Variants in EBF1 observed in about 807,000 individuals in gnomAD.
EBF1 encodes the protein EBF transcription factor 1, also known as transcription factor COE1.
A neutral mutation model predicts 68.4 loss-of-function variants in EBF1; 10 were observed. The observed-to-expected ratio is 0.15, with a 90% CI of 0.09 to 0.25. EBF1 has a LOEUF of 0.25. EBF1 is among the 10% of genes least tolerant of loss of function. The probability of loss-of-function intolerance (pLI) is 1.00; values close to 1 mark genes in which losing one functional copy is unlikely to be tolerated. For synonymous variants in EBF1, 298 were observed against 299.8 expected (o/e 0.99, Z 0.06); for missense variants, 509 against 794.4 (o/e 0.64, Z 4.32).
intron 10 of EBF1, among the ~76,000 whole-genome samples, chr5:158,732,772 T>A (rs1406033743): frequency 1.3e-5 from 2 of 152,078 alleles, no homozygotes; most frequent in African/African-American, 4.8e-5. Flanking sequence ...ATTAGAAAGA[T>A]TTTTTTCCCC....
At chr5:158,725,399 G>A (rs2127530068) in intron 11 of EBF1, among the ~76,000 whole-genome samples, 1 of 152,246 alleles carries the variant, frequency 6.6e-6, no homozygotes, top group East Asian at 1.9e-4. Context: ...CTTCTTTACT[G>A]ACACCTGCTG....
At chr5:158,860,316 C>T (rs1423938240) in intron 6 of EBF1, among the ~76,000 whole-genome samples, 1 of 152,116 alleles carries the variant, frequency 6.6e-6, no homozygotes, top group African/African-American at 2.4e-5. Context: ...CTTGCAAGAC[C>T]CTGGATTCAA....
At position 158,836,320 on chromosome 5, in the gene EBF1, A is replaced by T. The variant is rs553380176; in HGVS notation, c.636+3709T>A. ...GAGAAGATACTGGAGAGAGCCTATA[A>T]AATGGGGAAAGATCTGGACTTCAGA... is the stretch of plus-strand genomic sequence containing the variant. On this transcript the variant is annotated intron_variant, in intron 7 of 15. Coordinates refer to ENST00000313708, the MANE Select transcript of EBF1 (RefSeq NM_024007.5). Among the ~76,000 whole-genome samples, 4 of 152,342 alleles carry T rather than the reference A, an allele frequency of 2.6e-5. No individual in the cohort carries two copies. In the South Asian group the frequency reaches 6.2e-4, roughly 24 times the overall value.
chr5:158,998,114 TG>T (rs768343251), intron 6 of EBF1, among the ~76,000 whole-genome samples: 26 of 152,272 alleles, frequency 1.7e-4, no homozygotes, highest in East Asian at 1.5e-3. Flanking sequence ...ATGCTCCCAA[TG>T]TCTCCTCCTT....
intron 6 of EBF1, among the ~76,000 whole-genome samples, chr5:158,941,059 A>G (rs1448455856): frequency 6.6e-6 from 1 of 152,102 alleles, no homozygotes; most frequent in Non-Finnish European, 1.5e-5. Context: ...GCCTCAAGAA[A>G]AGACAAAACT....
At chr5:159,059,000 C>T (rs1775295555) in intron 6 of EBF1, among the ~76,000 whole-genome samples, 1 of 152,128 alleles carries the variant, frequency 6.6e-6, no homozygotes, top group African/African-American at 2.4e-5. Context: ...GGGACATGGC[C>T]ACTTCTGCCA....
chr5:158,961,756 T>C (rs1230034299), intron 6 of EBF1, among the ~76,000 whole-genome samples: 2 of 152,226 alleles, frequency 1.3e-5, no homozygotes, highest in Admixed American at 6.5e-5. Context: ...AGATAAATTA[T>C]GTGCTTACCA....
intron 6 of EBF1, among the ~76,000 whole-genome samples, chr5:158,920,171 A>G (rs535833686): frequency 2.4e-4 from 36 of 151,266 alleles, no homozygotes; most frequent in African/African-American, 8.7e-4. Context: ...GTGTGTGTGT[A>G]TGTGTGTGTG....
At chr5:158,796,200 T>G (rs1779583128) in intron 9 of EBF1, 145 bp downstream of exon 9, 2 of 876,978 alleles carry the variant, frequency 2.3e-6, no homozygotes, top group African/African-American at 3.5e-5. Context: ...AACCAACTCT[T>G]CTAGTTTCCC....
At chr5:158,724,289 G>A (rs1376608949) in intron 11 of EBF1, among the ~76,000 whole-genome samples, 1 of 152,072 alleles carries the variant, frequency 6.6e-6, no homozygotes, top group Non-Finnish European at 1.5e-5. Flanking sequence ...AATGTTAATC[G>A]AGTTTCCTCA....
intron 10 of EBF1, among the ~76,000 whole-genome samples, chr5:158,775,046 A>AT (rs1202124791): frequency 6.6e-6 from 1 of 151,544 alleles, no homozygotes; most frequent in Non-Finnish European, 1.5e-5. Flanking sequence ...CACCAGAAGC[A>AT]TTTTTTCATA....
Position 158,777,525 on chromosome 5 carries a change from A to G in EBF1, c.924T>C (p.His308=). ...GAGGAGGGGTCTGCACACGGATGGC[A>G]TGAGGAGTGATCAACTGGAGGAGAC... ...MLVWSELITP[H]AIRVQTPPRH... The change falls in exon 10 of 16, where the codon CAT becomes CAC. Residue 308 remains histidine, a synonymous_variant. Transcript: ENST00000313708. 1 of 1,607,322 alleles carries G rather than the reference A, an allele frequency of 6.2e-7. No homozygotes were observed. Among genetic ancestry groups the G allele is most frequent in the South Asian group, 1.1e-5 (1 of 89,510 alleles).
At chr5:159,009,064 C>T (rs1280316383) in intron 6 of EBF1, among the ~76,000 whole-genome samples, 1 of 152,178 alleles carries the variant, frequency 6.6e-6, no homozygotes, top group African/African-American at 2.4e-5. Flanking sequence ...ACTACAGGAG[C>T]TCTGCTTTTA....
At chr5:158,913,024 C>T (rs538809080) in intron 6 of EBF1, among the ~76,000 whole-genome samples, 1 of 152,280 alleles carries the variant, frequency 6.6e-6, no homozygotes, top group African/African-American at 2.4e-5. Context: ...TTCAAGAGGG[C>T]CTTTTTCTGC....
chr5:158,992,464 T>C (rs1424283088), intron 6 of EBF1, among the ~76,000 whole-genome samples: 1 of 152,128 alleles, frequency 6.6e-6, no homozygotes, highest in Non-Finnish European at 1.5e-5. Context: ...CTGACATGCC[T>C]CATGAACTCA....
intron 9 of EBF1, among the ~76,000 whole-genome samples, chr5:158,785,457 G>A (rs1777238163): frequency 6.6e-6 from 1 of 152,150 alleles, no homozygotes; most frequent in African/African-American, 2.4e-5. Flanking sequence ...CTTCTTCTGA[G>A]TTCCTTGGTG....
At chr5:158,738,716 C>T (rs1369571791) in intron 10 of EBF1, among the ~76,000 whole-genome samples, 1 of 152,190 alleles carries the variant, frequency 6.6e-6, no homozygotes, top group African/African-American at 2.4e-5. Flanking sequence ...TAAATTAGCA[C>T]AGAAGCCTCA....
intron 6 of EBF1, among the ~76,000 whole-genome samples, chr5:159,017,149 T>G (rs916417742): frequency 6.6e-6 from 1 of 152,256 alleles, no homozygotes; most frequent in Non-Finnish European, 1.5e-5. Context: ...AACATCAGTG[T>G]GTATTTTATA....
chr5:159,063,632 T>G (rs1308090494), intron 6 of EBF1, among the ~76,000 whole-genome samples: 1 of 152,164 alleles, frequency 6.6e-6, no homozygotes, highest in African/African-American at 2.4e-5. Flanking sequence ...GCATGACATA[T>G]AATAGAGGCT....
Sources: allele counts gnomAD v4.1 joint callset (sites outside exome capture counted in the v4.1 genomes callset), GRCh38; gene constraint gnomAD v4.1.1; transcripts MANE v1.5; gene names NCBI Gene and HGNC (gene_info 2026-07-23, HGNC 2026-07-21).